RCOR1: variants seen among roughly 807,000 people sequenced by gnomAD.
The protein encoded by RCOR1 is REST corepressor.
A neutral mutation model predicts 64.0 loss-of-function variants in RCOR1; 12 were observed. The observed-to-expected ratio is 0.19, with a 90% confidence interval of 0.12 to 0.30. RCOR1 has a LOEUF of 0.30. Ranked by LOEUF, RCOR1 falls within the 10% of genes least tolerant of loss-of-function variation. RCOR1 has a pLI of 1.00. For missense variants in RCOR1, 502 were observed against 621.2 expected, an observed-to-expected ratio of 0.81 and a Z score of 2.04; for synonymous variants, 279 against 227.2, an observed-to-expected ratio of 1.23 and a Z score of -2.05.
At chr14:102,715,060 G>T (rs1236445860) in intron 8 of RCOR1, among the ~76,000 whole-genome samples, 1 of 151,050 alleles carries the variant, frequency 6.6e-6, no homozygotes, top group Non-Finnish European at 1.5e-5. Context: ...CTTGTAGGTG[G>T]CCACTATTCT....
rs542745591 is a variant in RCOR1, at chr14:102,717,405, A to C, written c.1053+2788A>C. Among the ~76,000 whole-genome samples the C allele has an allele frequency of 5.9e-5, 9 of 152,342 alleles. No homozygotes were observed. The South Asian group carries it at 1.9e-3, about 32-fold the overall frequency. Reference sequence around the variant, plus strand: ...AGGGAGGCAGCCCAGACCAGGACCCAAGCACACTCTGTGTGCTCAGAGGAG... The same window carrying C: ...AGGGAGGCAGCCCAGACCAGGACCCCAGCACACTCTGTGTGCTCAGAGGAG... On this transcript the variant is annotated intron_variant, in intron 8 of 11. Coordinates refer to ENST00000262241, the MANE Select transcript of RCOR1 (RefSeq NM_015156.4).
At position 102,593,026 on chromosome 14, in the gene RCOR1, CGG is replaced by C; in HGVS notation, c.142_143del (p.Gly48ArgfsTer19). 8.0e-7 allele frequency: 1 copy of C among 1,257,000 alleles called. No homozygotes were observed. Among genetic ancestry groups the C allele is most frequent in the Non-Finnish European group, 1.0e-6 (1 of 994,070 alleles). 77.9% of individuals were successfully genotyped at this position (1,257,000 alleles called of 1,614,324 possible). On this transcript the variant is annotated frameshift_variant, in exon 1 of 12. Transcript: ENST00000262241. LOFTEE classifies it high-confidence loss of function. ...GCCTCGCCAGCCGCCACTGCCGCCTCGGGCGCCGCCGCCTCCTCAGCCTCGGC... is the reference window on the plus strand; with the variant it reads ...GCCTCGCCAGCCGCCACTGCCGCCTCGCGCCGCCGCCTCCTCAGCCTCGGC...
chr14:102,620,043 T>C (rs1242373634), intron 2 of RCOR1, among the ~76,000 whole-genome samples: 3 of 152,208 alleles, frequency 2.0e-5, no homozygotes, highest in Non-Finnish European at 1.5e-5. Flanking sequence ...TAAATCATCA[T>C]GTATAACACA....
At chr14:102,595,309 C>A (rs1365382758) in intron 2 of RCOR1, among the ~76,000 whole-genome samples, 1 of 152,010 alleles carries the variant, frequency 6.6e-6, no homozygotes, top group Non-Finnish European at 1.5e-5. Flanking sequence ...GGAGACCAGC[C>A]TGGGCAATGT....
chr14:102,677,401 A>C, intron 2 of RCOR1, among the ~76,000 whole-genome samples: 2 of 137,652 alleles, frequency 1.5e-5, no homozygotes, highest in Non-Finnish European at 1.6e-5. Context: ...CTCACTTCCC[A>C]GACGGGGTGG....
chr14:102,606,213 AC>A (rs914031944), intron 2 of RCOR1, among the ~76,000 whole-genome samples: 2 of 152,148 alleles, frequency 1.3e-5, no homozygotes, highest in African/African-American at 4.8e-5. Context: ...GGCATGAGCC[AC>A]CGTGCCCGGC....
chr14:102,603,393 T>A (rs1245387562), intron 2 of RCOR1, among the ~76,000 whole-genome samples: 1 of 151,716 alleles, frequency 6.6e-6, no homozygotes, highest in African/African-American at 2.4e-5. Context: ...TGTGTAATTT[T>A]GGCTCCCTGC....
At chr14:102,628,093 G>A (rs1280954430) in intron 2 of RCOR1, among the ~76,000 whole-genome samples, 5 of 152,034 alleles carry the variant, frequency 3.3e-5, no homozygotes, top group East Asian at 1.9e-4. Flanking sequence ...CCGAAGGCAC[G>A]AGAGCCAGGT....
intron 7 of RCOR1, among the ~76,000 whole-genome samples, chr14:102,712,818 G>GTTGA (rs1203691254): frequency 1.3e-5 from 2 of 151,164 alleles, no homozygotes; most frequent in Non-Finnish European, 2.9e-5. Context: ...TAAGCTTTGT[G>GTTGA]TTGATGTATT....
chr14:102,659,873 G>A (rs1894796508), intron 2 of RCOR1, among the ~76,000 whole-genome samples: 1 of 152,194 alleles, frequency 6.6e-6, no homozygotes, highest in Non-Finnish European at 1.5e-5. Flanking sequence ...GGAGAAGACA[G>A]CCATAGTCAA....
intron 7 of RCOR1, among the ~76,000 whole-genome samples, chr14:102,712,945 T>C (rs1418607148): frequency 1.5e-5 from 2 of 133,010 alleles, no homozygotes; most frequent in Non-Finnish European, 3.1e-5. Flanking sequence ...GGCTAAATCA[T>C]TGTTTTTTTT....
chr14:102,692,472 C>CACACACACACACAT (rs71119731), intron 3 of RCOR1, among the ~76,000 whole-genome samples: 6 of 151,140 alleles, frequency 4.0e-5, no homozygotes, highest in African/African-American at 1.5e-4. Context: ...CACACACACA[C>CACACACACACACAT]GCTTATTTTT....
rs1896325103 is a variant in RCOR1 at position 102,729,242 on chromosome 14, T to C, written c.*2736T>C. ...TTGTATTGCATATGCATTAAAAGTT[T>C]GTTTTATTTAATTTTATGTAGATGT... On this transcript the variant is annotated 3_prime_UTR_variant, in exon 12 of 12. Coordinates refer to ENST00000262241, the MANE Select transcript of RCOR1 (RefSeq NM_015156.4). 2 of 152,696 alleles carry C rather than the reference T, an allele frequency of 1.3e-5. No individual in the cohort carries two copies. The highest frequency in any genetic ancestry group is 1.5e-5 in the Non-Finnish European group (1 of 68,054). 9.5% of individuals were successfully genotyped at this position (152,696 alleles called of 1,614,324 possible). A position where few individuals can be genotyped will look rare whatever the true frequency, so the allele number is the denominator to read the frequency against.
At chr14:102,678,954 G>C (rs184879844) in intron 2 of RCOR1, among the ~76,000 whole-genome samples, 1 of 151,884 alleles carries the variant, frequency 6.6e-6, no homozygotes, top group Non-Finnish European at 1.5e-5. Context: ...CAAATCTTTT[G>C]GCCATTTTAA....
At chr14:102,604,051 C>T (rs771877464) in intron 2 of RCOR1, among the ~76,000 whole-genome samples, 4 of 152,034 alleles carry the variant, frequency 2.6e-5, no homozygotes, top group Non-Finnish European at 4.4e-5. Context: ...GGAGACTGTA[C>T]TCAGAGATTG....
chr14:102,687,765 A>G (rs925092217), intron 3 of RCOR1, among the ~76,000 whole-genome samples: 16 of 152,166 alleles, frequency 1.1e-4, no homozygotes, highest in Admixed American at 7.2e-4. Flanking sequence ...TGATTTTTAC[A>G]TCAAGCATCT....
Position 102,722,308 on chromosome 14 carries a change from A to G in RCOR1, c.1311A>G (p.Leu437=). The change falls in exon 11 of 12, where the codon TTA becomes TTG. Residue 437 remains leucine, a synonymous_variant. Coordinates refer to ENST00000262241, the MANE Select transcript of RCOR1 (RefSeq NM_015156.4). ...GCCGCTTCAACATAGATGAAGTTTTACAAGAATGGGAGGCAGAACATGGTA... is the reference window on the plus strand; with the variant it reads ...GCCGCTTCAACATAGATGAAGTTTTGCAAGAATGGGAGGCAGAACATGGTA... ...YRRRFNIDEV[L]QEWEAEHGKE... is the part of the protein sequence containing the mutation. 3.1e-6 allele frequency: 5 copies of G among 1,614,222 alleles called. No homozygotes were observed. The highest frequency in any genetic ancestry group is 2.2e-5 in the South Asian group (2 of 91,092).
intron 2 of RCOR1, among the ~76,000 whole-genome samples, chr14:102,676,572 A>C (rs1895164152): frequency 1.6e-5 from 1 of 63,384 alleles, no homozygotes; most frequent in Non-Finnish European, 3.0e-5. Context: ...ACTTCCCAGT[A>C]GGGGCGGCCG....
chr14:102,668,791 T>G (rs1894970830), intron 2 of RCOR1, among the ~76,000 whole-genome samples: 1 of 152,186 alleles, frequency 6.6e-6, no homozygotes, highest in African/African-American at 2.4e-5. Flanking sequence ...AAAAAATCTG[T>G]TTAGCTTTTA....
Sources: gnomAD v4.1 joint callset for allele counts (sites outside exome capture counted in the v4.1 genomes callset) on GRCh38, gnomAD v4.1.1 for gene constraint, MANE v1.5 for transcripts, NCBI Gene and HGNC (gene_info 2026-07-23, HGNC 2026-07-21) for gene names.